Variants in ADRM1 observed in about 807,000 individuals in gnomAD.
ADRM1 encodes proteasomal ubiquitin receptor ADRM1.
ADRM1 carries 2 observed loss-of-function variants against 40.1 expected under a neutral mutation model. That is an observed-to-expected ratio of 0.05 (90% confidence interval 0.02 to 0.16). The LOEUF (loss-of-function observed/expected upper bound fraction) is 0.16, where lower values mean the gene tolerates loss of function less well. Ranked by LOEUF, ADRM1 falls within the 10% of genes least tolerant of loss-of-function variation. ADRM1 has a pLI of 1.00. For synonymous variants in ADRM1, 287 were observed against 240.4 expected, an observed-to-expected ratio of 1.19 and a Z score of -1.79; for missense variants, 467 against 552.5, an observed-to-expected ratio of 0.85 and a Z score of 1.55.
intron 5 of ADRM1, 68 bp from the exon 6 acceptor site, chr20:62,307,303 G>A (rs1025424404): frequency 6.8e-7 from 1 of 1,462,066 alleles, no homozygotes; most frequent in Admixed American, 2.4e-5. Flanking sequence ...CTCTGGCCTG[G>A]GGAGGGGCCA....
At position 62,303,574 on chromosome 20, in the gene ADRM1, G is replaced by A. The variant is rs751294764; in HGVS notation, c.6G>A (p.Thr2=). The A allele has an allele frequency of 1.3e-6, 2 of 1,570,082 alleles. No homozygotes were observed. The highest frequency in any genetic ancestry group is 2.2e-5 in the South Asian group (2 of 89,256). Residue 2 remains threonine (T), a synonymous_variant, in exon 2 of 10, where the codon ACG becomes ACA. Transcript: ENST00000253003. The part of the protein sequence containing the change: M[T]TSGALFPSLV... Reference sequence around the variant, plus strand: ...GTCCTCTCCGCGCTTTCAGGATGACGACCTCAGGCGCGCTCTTTCCAAGCC... The same window carrying A: ...GTCCTCTCCGCGCTTTCAGGATGACAACCTCAGGCGCGCTCTTTCCAAGCC...
At chr20:62,306,620 G>C (rs1391231095) in intron 4 of ADRM1, 28 bp from the exon 5 acceptor site, 1 of 1,584,614 alleles carries the variant, frequency 6.3e-7, no homozygotes, top group African/African-American at 1.3e-5. Flanking sequence ...GGCTGGGGCA[G>C]GCCCGCCTGA....
At chr20:62,308,296 T>C (rs973476573) in intron 8 of ADRM1, 72 bp from the exon 9 acceptor site, 1 of 1,542,530 alleles carries the variant, frequency 6.5e-7, no homozygotes, top group Non-Finnish European at 8.8e-7. Flanking sequence ...CCCGCAGAGC[T>C]GGCAGCTGAG....
intron 2 of ADRM1, chr20:62,304,257 C>G (rs547479372): frequency 4.9e-5 from 28 of 574,802 alleles, no homozygotes; most frequent in Non-Finnish European, 8.4e-5. Flanking sequence ...CCTTTCCCTG[C>G]TCTCTCCCCC....
At chr20:62,306,556 C>G (rs981372637) in intron 4 of ADRM1, 92 bp from the exon 5 acceptor site, 1 of 1,380,374 alleles carries the variant, frequency 7.2e-7, no homozygotes, top group Non-Finnish European at 1.0e-6. Context: ...CAGGGGCAGC[C>G]GAGTGCGGTG....
Position 62,308,025 on chromosome 20 carries a change from C to T in ADRM1, c.861C>T (p.Asp287=). ...PAGPAGGQQV[D]LASVLTPEIM... ...GGCCGTGTTCTTGTGCCCCAGTGGA[C>T]CTGGCCAGTGTGCTGACGCCGGAGA... Residue 287 remains aspartate (D), a synonymous_variant, in exon 8 of 10, where the codon GAC becomes GAT. Coordinates refer to ENST00000253003, the MANE Select transcript of ADRM1 (RefSeq NM_007002.4). 6.2e-7 allele frequency: 1 copy of T among 1,609,096 alleles called. No homozygotes were observed. Among genetic ancestry groups the T allele is most frequent in the African/African-American group, 1.3e-5 (1 of 75,022 alleles).
chr20:62,304,440 T>C (rs749691628), intron 2 of ADRM1, 21 bp from the exon 3 acceptor site: 75 of 1,602,550 alleles, frequency 4.7e-5, no homozygotes, highest in Admixed American at 3.3e-5. Context: ...CCACTGACTC[T>C]CTCTTCCCCT....
At chr20:62,305,811 A>G (rs1369440787) in intron 3 of ADRM1, 5 of 237,466 alleles carry the variant, frequency 2.1e-5, no homozygotes, top group Non-Finnish European at 4.3e-5. Context: ...TGAGCGGGCC[A>G]GTTCGCTGCC....
At chr20:62,307,343 T>G in intron 5 of ADRM1, 28 bp from the exon 6 acceptor site, 9 of 1,590,698 alleles carry the variant, frequency 5.7e-6, no homozygotes, top group Non-Finnish European at 6.8e-6. Context: ...GAGGGCATCC[T>G]GAGCTCGCAT....
chr20:62,307,937 C>T lies in ADRM1; in HGVS notation c.857-84C>T, dbSNP rs1037836179. 7 of 1,553,116 alleles carry T rather than the reference C, an allele frequency of 4.5e-6. No individual in the cohort carries two copies. The African/African-American group carries it at 9.5e-5, about 21-fold the overall frequency. On this transcript the variant is annotated intron_variant, in intron 7 of 9. Coordinates refer to ENST00000253003, the MANE Select transcript of ADRM1 (RefSeq NM_007002.4). ...AGTGTGCGCGCCTGGGGTGCTGGGG[C>T]CATGGGCTGAGTCCCTGCTTGCATG...
intron 3 of ADRM1, chr20:62,305,912 T>C (rs980427351): frequency 1.3e-5 from 5 of 391,498 alleles, no homozygotes; most frequent in South Asian, 8.7e-5. Context: ...AGCAGCTAAG[T>C]GCCTTCGGAG....
intron 2 of ADRM1, chr20:62,304,208 C>G: frequency 1.9e-6 from 1 of 530,766 alleles, no homozygotes; most frequent in East Asian, 3.3e-5. Flanking sequence ...AATGTTGTTT[C>G]CAGCACGTCT....
intron 1 of ADRM1, 177 bp from the exon 2 acceptor site, chr20:62,303,391 G>A (rs950518302): frequency 7.3e-5 from 44 of 604,434 alleles, no homozygotes; most frequent in East Asian, 3.7e-4. Flanking sequence ...CGCCGAGTGC[G>A]GGCGGTGCGA....
intron 3 of ADRM1, among the ~76,000 whole-genome samples, chr20:62,305,166 CAG>C (rs1188727178): frequency 6.6e-6 from 1 of 152,226 alleles, no homozygotes; most frequent in Non-Finnish European, 1.5e-5. Context: ...TCCCGGTACA[CAG>C]ATCATTTTCC....
At position 62,308,834 on chromosome 20, in the gene ADRM1, T is replaced by TTAA; in HGVS notation, c.*77_*79dup. ...ACCCTCACCTCCCACCCACTGATTA[T>TTAA]TAATAAAGTCTTTTCTTTTACCTGC... is the stretch of plus-strand genomic sequence containing the variant. On this transcript the variant is annotated 3_prime_UTR_variant, in exon 10 of 10. Transcript: ENST00000253003. The TTAA allele has an allele frequency of 1.9e-6, 3 of 1,557,464 alleles. No individual in the cohort carries two copies. Among genetic ancestry groups the TTAA allele is most frequent in the Non-Finnish European group, 2.6e-6 (3 of 1,154,818 alleles).
chr20:62,304,448 C>T lies in ADRM1; in HGVS notation c.214-13C>T, dbSNP rs779356853. 5.3e-5 allele frequency: 86 copies of T among 1,610,190 alleles called. No individual in the cohort carries two copies. In the East Asian group the frequency reaches 1.8e-3, roughly 34 times the overall value. ...ATCTGCGCCACTGACTCTCTCTTCCCCTGGCTTGCCAGGACTTGATCATCT... is the reference window on the plus strand; with the variant it reads ...ATCTGCGCCACTGACTCTCTCTTCCTCTGGCTTGCCAGGACTTGATCATCT... On this transcript the variant is annotated splice_polypyrimidine_tract_variant and intron_variant, in intron 2 of 9. Transcript: ENST00000253003.
chr20:62,308,327 G>T (rs748887628), intron 8 of ADRM1, 41 bp from the exon 9 acceptor site: 2 of 1,562,354 alleles, frequency 1.3e-6, no homozygotes, highest in East Asian at 4.6e-5. Context: ...CTGGGGTGCA[G>T]CCCGGGTTGG....
intron 5 of ADRM1, 31 bp downstream of exon 5, chr20:62,306,765 C>T (rs1985042457): frequency 6.4e-7 from 1 of 1,565,354 alleles, no homozygotes; most frequent in Non-Finnish European, 8.7e-7. Flanking sequence ...TCTCGGGCAG[C>T]TTCTGCTGGG....
intron 3 of ADRM1, among the ~76,000 whole-genome samples, chr20:62,304,987 C>T (rs543419323): frequency 6.6e-6 from 1 of 152,358 alleles, no homozygotes; most frequent in East Asian, 1.9e-4. Context: ...CTGCCCCTTC[C>T]CTGGCAGTGT....
Sources: allele counts gnomAD v4.1 joint callset (sites outside exome capture counted in the v4.1 genomes callset), GRCh38; gene constraint gnomAD v4.1.1; transcripts MANE v1.5; gene names NCBI Gene and HGNC (gene_info 2026-07-23, HGNC 2026-07-21).